Variants in SH3RF3 observed in about 807,000 individuals in gnomAD.
SH3RF3 encodes the protein E3 ubiquitin-protein ligase SH3RF3.
Under a neutral mutation model 66.3 loss-of-function variants are expected in SH3RF3, and 29 were observed. The ratio of observed to expected loss-of-function variants is 0.44; its 90% CI spans 0.33 to 0.60. SH3RF3 has a LOEUF of 0.60. SH3RF3 is among the 20% of genes least tolerant of loss of function. The pLI is 0.04. For synonymous variants in SH3RF3, 583 were observed against 532.0 expected (o/e 1.10, Z -1.32); for missense variants, 1,194 against 1,190.9 (o/e 1.00, Z -0.04).
chr2:109,446,036 C>T (rs1461327285), intron 7 of SH3RF3, among the ~76,000 whole-genome samples: 1 of 152,174 alleles, frequency 6.6e-6, no homozygotes, highest in African/African-American at 2.4e-5. Context: ...CAGCCTTCAT[C>T]TGTCAGCTTG....
At chr2:109,394,137 T>C (rs1292646661) in intron 3 of SH3RF3, among the ~76,000 whole-genome samples, 1 of 152,234 alleles carries the variant, frequency 6.6e-6, no homozygotes, top group Non-Finnish European at 1.5e-5. Flanking sequence ...AAAGGATGGA[T>C]GGAAGAAACT....
intron 1 of SH3RF3, among the ~76,000 whole-genome samples, chr2:109,152,088 A>G (rs368421834): frequency 1.3e-4 from 20 of 152,248 alleles, no homozygotes; most frequent in African/African-American, 4.6e-4. Context: ...CTTGATGGAC[A>G]TGGAGTCTAA....
At chr2:109,280,140 A>G (rs1680849092) in intron 1 of SH3RF3, among the ~76,000 whole-genome samples, 1 of 152,104 alleles carries the variant, frequency 6.6e-6, no homozygotes, top group Non-Finnish European at 1.5e-5. Context: ...TCTTGCTGCA[A>G]TGCTGTCAGA....
At chr2:109,305,724 C>A (rs560183402) in intron 1 of SH3RF3, among the ~76,000 whole-genome samples, 112 of 152,310 alleles carry the variant, frequency 7.4e-4, no homozygotes, top group Non-Finnish European at 1.3e-3. Flanking sequence ...GGCTACAATG[C>A]GGGAGGACGC....
Position 109,349,169 on chromosome 2 carries a change from G to A in SH3RF3, c.849+1220G>A, listed in dbSNP as rs369749350. On this transcript the variant is annotated intron_variant, in intron 2 of 9. Transcript: ENST00000309415. ...CCCATCTGCTGAGTGCAGAGCTCGAGGTGGCACTCTCTGGAGGGCGGTAGG... is the reference window on the plus strand; with the variant it reads ...CCCATCTGCTGAGTGCAGAGCTCGAAGTGGCACTCTCTGGAGGGCGGTAGG... Among the ~76,000 whole-genome samples the A allele has an allele frequency of 3.6e-4, 6 of 16,470 alleles. No homozygotes were observed. In the African/African-American group the frequency reaches 0.011, roughly 31 times the overall value. 10.8% of individuals were successfully genotyped at this position (16,470 alleles called of 152,430 possible).
At chr2:109,393,962 G>A (rs537313843) in intron 3 of SH3RF3, among the ~76,000 whole-genome samples, 3 of 152,004 alleles carry the variant, frequency 2.0e-5, no homozygotes, top group East Asian at 1.9e-4. Context: ...TGGACCCAGC[G>A]CTGAAATTCC....
chr2:109,173,602 T>C (rs946409876), intron 1 of SH3RF3, among the ~76,000 whole-genome samples: 6 of 152,040 alleles, frequency 3.9e-5, no homozygotes, highest in African/African-American at 9.7e-5. Context: ...CCCCGCAGCC[T>C]GCAGTGGTTA....
chr2:109,189,673 TTAATG>T (rs1678293977), intron 1 of SH3RF3, among the ~76,000 whole-genome samples: 1 of 152,126 alleles, frequency 6.6e-6, no homozygotes, highest in Non-Finnish European at 1.5e-5. Context: ...CCCTATCAAT[TTAATG>T]TATTGTGTAA....
At chr2:109,242,035 C>T (rs576699070) in intron 1 of SH3RF3, among the ~76,000 whole-genome samples, 23 of 152,142 alleles carry the variant, frequency 1.5e-4, no homozygotes, top group Admixed American at 1.4e-3. Flanking sequence ...CCCAGTCCTT[C>T]GTCCTGCAAG....
intron 2 of SH3RF3, among the ~76,000 whole-genome samples, chr2:109,361,520 C>G (rs1683050646): frequency 6.6e-6 from 1 of 152,180 alleles, no homozygotes; most frequent in African/African-American, 2.4e-5. Flanking sequence ...GTCACCCAGG[C>G]TGGAGTGCAG....
rs193062530 is a variant in SH3RF3 at position 109,208,972 on chromosome 2, G to T, written c.573+78859G>T. Among the ~76,000 whole-genome samples, 30 of 152,062 alleles carry T rather than the reference G, an allele frequency of 2.0e-4. No homozygotes were observed. The East Asian group carries it at 5.6e-3, about 29-fold the overall frequency. ...AGGTGTCTTTGGCCATGGGCAGGTG[G>T]GGTTCATGTTCACAGAGGCCCGACA... On this transcript the variant is annotated intron_variant, in intron 1 of 9. Transcript: ENST00000309415.
chr2:109,201,325 A>T (rs1678670410), intron 1 of SH3RF3, among the ~76,000 whole-genome samples: 1 of 152,202 alleles, frequency 6.6e-6, no homozygotes, highest in African/African-American at 2.4e-5. Context: ...GGCCTCCCTG[A>T]TCTGTGACCT....
At chr2:109,200,887 G>C (rs1392382470) in intron 1 of SH3RF3, among the ~76,000 whole-genome samples, 1 of 152,336 alleles carries the variant, frequency 6.6e-6, no homozygotes, top group East Asian at 1.9e-4. Flanking sequence ...CCTATGTGCT[G>C]TTTCATGTCA....
At chr2:109,154,837 C>T (rs931291075) in intron 1 of SH3RF3, among the ~76,000 whole-genome samples, 6 of 152,220 alleles carry the variant, frequency 3.9e-5, no homozygotes, top group Non-Finnish European at 7.3e-5. Context: ...GCCCCACTTT[C>T]TGCTATGGCC....
At chr2:109,265,666 T>G in intron 1 of SH3RF3, among the ~76,000 whole-genome samples, 1 of 152,190 alleles carries the variant, frequency 6.6e-6, no homozygotes, top group East Asian at 1.9e-4. Context: ...GTGTCTTTGA[T>G]TTGGGTTGAA....
chr2:109,341,117 G>T (rs1238996533), intron 1 of SH3RF3, among the ~76,000 whole-genome samples: 3 of 152,156 alleles, frequency 2.0e-5, no homozygotes, highest in Admixed American at 2.0e-4. Context: ...GGATGAATGA[G>T]TGTGCAAATA....
chr2:109,443,136 G>A lies in SH3RF3; in HGVS notation c.1828+5990G>A, dbSNP rs187041484. Reference sequence around the variant, plus strand: ...CTAGGTGAAATTGTGTGTGGCATGCGTGCATGGGTGTGTACACATATCTCA... The same window carrying A: ...CTAGGTGAAATTGTGTGTGGCATGCATGCATGGGTGTGTACACATATCTCA... On this transcript the variant is annotated intron_variant, in intron 7 of 9. Transcript: ENST00000309415. 1.6e-4 allele frequency among the ~76,000 whole-genome samples: 25 copies of A among 152,372 alleles called. No homozygotes were observed. The East Asian group carries it at 1.9e-3, about 12-fold the overall frequency.
intron 3 of SH3RF3, among the ~76,000 whole-genome samples, chr2:109,379,028 T>G (rs1309797247): frequency 1.3e-5 from 2 of 152,186 alleles, no homozygotes; most frequent in Non-Finnish European, 2.9e-5. Flanking sequence ...CTCTGTCTTC[T>G]CAATGCAGGG....
At chr2:109,201,997 C>T (rs973654302) in intron 1 of SH3RF3, among the ~76,000 whole-genome samples, 2 of 152,162 alleles carry the variant, frequency 1.3e-5, no homozygotes, top group South Asian at 2.1e-4. Flanking sequence ...CCAAAGGAAA[C>T]GGGACACAGG....
Sources: allele counts gnomAD v4.1 joint callset (sites outside exome capture counted in the v4.1 genomes callset), GRCh38; gene constraint gnomAD v4.1.1; transcripts MANE v1.5; gene names NCBI Gene and HGNC (gene_info 2026-07-23, HGNC 2026-07-21).